PLA2G4A: variants seen among roughly 807,000 people sequenced by gnomAD.
The protein encoded by PLA2G4A is cytosolic phospholipase A2.
A neutral mutation model predicts 81.9 loss-of-function variants in PLA2G4A; 40 were observed. The ratio of observed to expected loss-of-function variants is 0.49; its 90% CI spans 0.38 to 0.64. The LOEUF is 0.64. Ranked by LOEUF, PLA2G4A falls within the 30% of genes least tolerant of loss-of-function variation. PLA2G4A has a pLI of 0.00. For missense variants in PLA2G4A, 715 were observed against 905.1 expected (o/e 0.79, Z 2.69); for synonymous variants, 302 against 296.9 (o/e 1.02, Z -0.18).
rs138515242 is a variant in PLA2G4A, at chr1:186,896,602, T to G, written c.378+2391T>G. 1.6e-3 allele frequency among the ~76,000 whole-genome samples: 245 copies of G among 152,360 alleles called. 3 individuals are homozygous for G. Among genetic ancestry groups the G allele is most frequent in the African/African-American group, 5.5e-3 (230 of 41,592 alleles). ...TCACTTTAGTTCATGATACAAAGAC[T>G]GTTTTTGAGAGAAGATATTGTGGAC... On this transcript the variant is annotated intron_variant, in intron 5 of 17. Coordinates refer to ENST00000367466, the MANE Select transcript of PLA2G4A (RefSeq NM_024420.3).
At chr1:186,864,724 G>T (rs10911935) in intron 2 of PLA2G4A, among the ~76,000 whole-genome samples, 27,201 of 150,632 alleles carry the variant, frequency 0.18, 2,597 homozygotes, top group Middle Eastern at 0.28. Context: ...CCCTATACTC[G>T]TGATTAAAAG....
At chr1:186,982,774 A>C (rs1470339991) in intron 17 of PLA2G4A, among the ~76,000 whole-genome samples, 2 of 151,956 alleles carry the variant, frequency 1.3e-5, no homozygotes, top group Non-Finnish European at 2.9e-5. Flanking sequence ...CTTCTTCTCC[A>C]CTTTAAGAAA....
intron 12 of PLA2G4A, among the ~76,000 whole-genome samples, chr1:186,949,989 C>G (rs984838223): frequency 1.3e-5 from 2 of 152,172 alleles, no homozygotes; most frequent in African/African-American, 4.8e-5. Flanking sequence ...GAGCAGAGAT[C>G]ATGCCACTGC....
chr1:186,857,757 C>T (rs1330069952), intron 2 of PLA2G4A, among the ~76,000 whole-genome samples: 1 of 151,794 alleles, frequency 6.6e-6, no homozygotes, highest in African/African-American at 2.4e-5. Flanking sequence ...CCCCAGCCCC[C>T]CACACCCCTG....
rs1013179971 is a variant in PLA2G4A at position 186,979,801 on chromosome 1, A to T, written c.2118+329A>T. 2.0e-5 allele frequency among the ~76,000 whole-genome samples: 3 copies of T among 152,226 alleles called. No homozygotes were observed. The East Asian group carries it at 5.8e-4, about 29-fold the overall frequency. ...ATGAAAAGGAAATATGAGTAAAGGA[A>T]ATATGAGTATGAAAGTGAATGGAAC... On this transcript the variant is annotated intron_variant, in intron 17 of 17. Transcript: ENST00000367466.
chr1:186,843,117 TA>T, intron 1 of PLA2G4A, among the ~76,000 whole-genome samples: 1 of 152,312 alleles, frequency 6.6e-6, no homozygotes, highest in Admixed American at 6.5e-5. Flanking sequence ...TGTTGTCAGT[TA>T]AACAAATTAC....
At chr1:186,908,917 G>T (rs1235340501) in intron 6 of PLA2G4A, among the ~76,000 whole-genome samples, 1 of 151,120 alleles carries the variant, frequency 6.6e-6, no homozygotes, top group Non-Finnish European at 1.5e-5. Flanking sequence ...TAAAGTTGAG[G>T]AGGTGTCATA....
chr1:186,898,783 C>T (rs1654437378), intron 5 of PLA2G4A, among the ~76,000 whole-genome samples: 1 of 152,030 alleles, frequency 6.6e-6, no homozygotes, highest in Non-Finnish European at 1.5e-5. Flanking sequence ...AGCAGGTGGC[C>T]AACAACAGTA....
chr1:186,920,476 C>G (rs1268501015), intron 7 of PLA2G4A, among the ~76,000 whole-genome samples: 1 of 152,190 alleles, frequency 6.6e-6, no homozygotes, highest in African/African-American at 2.4e-5. Context: ...GTCCTTGCCC[C>G]CAGTTGTAAT....
chr1:186,884,256 CTTTTT>C (rs758656530), intron 3 of PLA2G4A, among the ~76,000 whole-genome samples: 1 of 136,314 alleles, frequency 7.3e-6, no homozygotes, highest in African/African-American at 2.7e-5. Flanking sequence ...AATCCTCCCC[CTTTTT>C]TTTTTTTTTT....
At chr1:186,866,616 T>C (rs1653040798) in intron 2 of PLA2G4A, among the ~76,000 whole-genome samples, 2 of 152,138 alleles carry the variant, frequency 1.3e-5, no homozygotes, top group Admixed American at 1.3e-4. Flanking sequence ...AGAATATGAA[T>C]ATATTTGCAG....
chr1:186,868,014 A>G (rs546488205), intron 2 of PLA2G4A, among the ~76,000 whole-genome samples: 1 of 150,634 alleles, frequency 6.6e-6, no homozygotes, highest in African/African-American at 2.4e-5. Flanking sequence ...AGACTGTTGA[A>G]TGCTGAACCA....
Position 186,931,028 on chromosome 1 carries a change from T to G in PLA2G4A, c.559-1735T>G, listed in dbSNP as rs190273762. ...TCTTCATTCTAACTTTATATCTAGC[T>G]TCCTTACAACTACTGCTGCACCTAA... On this transcript the variant is annotated intron_variant, in intron 7 of 17. Coordinates refer to ENST00000367466, the MANE Select transcript of PLA2G4A (RefSeq NM_024420.3). Among the ~76,000 whole-genome samples, 307 of 152,262 alleles carry G rather than the reference T, an allele frequency of 2.0e-3. 2 individuals carry two copies. Among genetic ancestry groups the G allele is most frequent in the African/African-American group, 7.0e-3 (289 of 41,558 alleles).
chr1:186,851,767 C>A (rs772490058), intron 1 of PLA2G4A, among the ~76,000 whole-genome samples: 64 of 151,822 alleles, frequency 4.2e-4, no homozygotes, highest in Non-Finnish European at 7.1e-4. Context: ...ATAATGTTAT[C>A]CAATAAATAT....
At chr1:186,971,360 G>A (rs1000293968) in intron 15 of PLA2G4A, among the ~76,000 whole-genome samples, 6 of 151,740 alleles carry the variant, frequency 4.0e-5, no homozygotes, top group Non-Finnish European at 8.8e-5. Context: ...AGTACATATA[G>A]GCATTTCTAC....
chr1:186,934,513 T>TAC (rs1655871667), intron 8 of PLA2G4A, among the ~76,000 whole-genome samples: 1 of 148,518 alleles, frequency 6.7e-6, no homozygotes, highest in Non-Finnish European at 1.5e-5. Flanking sequence ...CACATATATA[T>TAC]ATATACAGAG....
Position 186,847,357 on chromosome 1 carries a change from CGTGTGTGT to C in PLA2G4A, c.-69-6906_-69-6899del, listed in dbSNP as rs34724808. On this transcript the variant is annotated intron_variant, in intron 1 of 17. Coordinates refer to ENST00000367466, the MANE Select transcript of PLA2G4A (RefSeq NM_024420.3). ...CTTTCTTTTGTGCTATTATTTCATA[CGTGTGTGT>C]GTGTGTGTGTGTGTGTGTGTGTCTA... Among the ~76,000 whole-genome samples the C allele has an allele frequency of 9.7e-4, 142 of 146,286 alleles. 1 individual carries two copies. Among genetic ancestry groups the C allele is most frequent in the African/African-American group, 3.4e-3 (131 of 38,920 alleles).
intron 7 of PLA2G4A, among the ~76,000 whole-genome samples, chr1:186,912,903 A>C (rs1655013892): frequency 6.7e-6 from 1 of 148,890 alleles, no homozygotes. Flanking sequence ...TGATTTTATC[A>C]ATAGGAAAAG....
At chr1:186,844,854 T>C (rs1271424721) in intron 1 of PLA2G4A, among the ~76,000 whole-genome samples, 1 of 152,226 alleles carries the variant, frequency 6.6e-6, no homozygotes, top group Admixed American at 6.5e-5. Flanking sequence ...TAAATTTGCC[T>C]ACTTGAATTT....
Sources: gnomAD v4.1 joint callset for allele counts (sites outside exome capture counted in the v4.1 genomes callset) on GRCh38, gnomAD v4.1.1 for gene constraint, MANE v1.5 for transcripts, NCBI Gene and HGNC (gene_info 2026-07-23, HGNC 2026-07-21) for gene names.